CFAP95: variants seen among roughly 807,000 people sequenced by gnomAD.
The protein encoded by CFAP95 is cilia and flagella associated protein 95.
At chr9:69,832,619 G>GTTTTT in the CFAP95 span, among the ~76,000 whole-genome samples, 2 of 14,118 alleles carry the variant, frequency 1.4e-4, no homozygotes, top group African/African-American at 2.5e-4. Context: ...AGTCTATTCG[G>GTTTTT]ATTTTTTTTT....
chr9:69,824,912 T>G, the CFAP95 span, among the ~76,000 whole-genome samples: 1 of 152,216 alleles, frequency 6.6e-6, no homozygotes, highest in Non-Finnish European at 1.5e-5. Flanking sequence ...AAGAATTGAC[T>G]GTGAAATGTG....
At chr9:69,879,499 A>T in the CFAP95 span, among the ~76,000 whole-genome samples, 1 of 152,134 alleles carries the variant, frequency 6.6e-6, no homozygotes, top group Non-Finnish European at 1.5e-5. Context: ...AGCTATACGT[A>T]TTTATGAGGG....
At chr9:69,851,740 C>T in the CFAP95 span, among the ~76,000 whole-genome samples, 4 of 151,828 alleles carry the variant, frequency 2.6e-5, no homozygotes, top group Non-Finnish European at 4.4e-5. Context: ...TGGTGGTGCA[C>T]GTTTGTAGTC....
the CFAP95 span, chr9:69,886,814 T>C: frequency 1.3e-6 from 2 of 1,590,432 alleles, no homozygotes; most frequent in South Asian, 2.2e-5. Flanking sequence ...AGTCATTCTT[T>C]CCTCATTGAC....
the CFAP95 span, among the ~76,000 whole-genome samples, chr9:69,865,556 C>G: frequency 6.6e-6 from 1 of 152,146 alleles, no homozygotes; most frequent in Non-Finnish European, 1.5e-5. Context: ...TTCTACCTCC[C>G]CACAAGCCTA....
the CFAP95 span, among the ~76,000 whole-genome samples, chr9:69,831,791 A>G: frequency 6.6e-6 from 1 of 152,120 alleles, no homozygotes; most frequent in Non-Finnish European, 1.5e-5. Context: ...CCTTTCCCCA[A>G]GAGTCTTTGG....
the CFAP95 span, among the ~76,000 whole-genome samples, chr9:69,891,987 T>C: frequency 6.6e-6 from 1 of 152,232 alleles, no homozygotes; most frequent in African/African-American, 2.4e-5. Context: ...GAGGTGTTTA[T>C]GGATATTATA....
At chr9:69,843,574 T>C in the CFAP95 span, among the ~76,000 whole-genome samples, 9 of 33,150 alleles carry the variant, frequency 2.7e-4, no homozygotes, top group Non-Finnish European at 4.1e-4. Context: ...CTTCTTCTTC[T>C]TCTTCTTCTT....
chr9:69,877,560 G>A, the CFAP95 span, among the ~76,000 whole-genome samples: 2 of 152,078 alleles, frequency 1.3e-5, no homozygotes, highest in Admixed American at 1.3e-4. Flanking sequence ...AGTATAAATG[G>A]GATTTTCCTC....
At chr9:69,905,981 A>G in the CFAP95 span, 189 of 1,610,464 alleles carry the variant, frequency 1.2e-4, no homozygotes, top group African/African-American at 2.4e-3. Flanking sequence ...TGATTATTCC[A>G]TAGTCCACAG....
At chr9:69,894,650 G>C in the CFAP95 span, among the ~76,000 whole-genome samples, 1 of 152,310 alleles carries the variant, frequency 6.6e-6, no homozygotes, top group Admixed American at 6.5e-5. Context: ...AACACACCAT[G>C]TAAGTGTTCA....
At chr9:69,896,892 A>G in the CFAP95 span, among the ~76,000 whole-genome samples, 2 of 152,124 alleles carry the variant, frequency 1.3e-5, no homozygotes, top group African/African-American at 2.4e-5. Context: ...CTGTCTCTGA[A>G]AAAAAAATTT....
At chr9:69,829,366 T>G in the CFAP95 span, among the ~76,000 whole-genome samples, 2 of 152,228 alleles carry the variant, frequency 1.3e-5, no homozygotes, top group Admixed American at 1.3e-4. Flanking sequence ...CGTTATAGAA[T>G]GATTGTGCCA....
At chr9:69,843,718 G>C in the CFAP95 span, among the ~76,000 whole-genome samples, 1 of 149,260 alleles carries the variant, frequency 6.7e-6, no homozygotes, top group South Asian at 2.2e-4. Flanking sequence ...AATCATGGCT[G>C]ACTGCAGCCT....
the CFAP95 span, among the ~76,000 whole-genome samples, chr9:69,895,853 T>C: frequency 2.0e-5 from 3 of 152,204 alleles, no homozygotes; most frequent in South Asian, 2.1e-4. Context: ...TGGAGTGCAG[T>C]GGAATGATCT....
chr9:69,822,515 C>T, the CFAP95 span, among the ~76,000 whole-genome samples: 2 of 152,210 alleles, frequency 1.3e-5, no homozygotes, highest in Non-Finnish European at 2.9e-5. Flanking sequence ...ATAGGGCTTA[C>T]CTCATAGCTC....
the CFAP95 span, among the ~76,000 whole-genome samples, chr9:69,870,832 G>A: frequency 6.6e-6 from 1 of 152,192 alleles, no homozygotes; most frequent in Non-Finnish European, 1.5e-5. Flanking sequence ...CTGGGTAGAA[G>A]CGACATCTGA....
chr9:69,863,939 T>G, the CFAP95 span, among the ~76,000 whole-genome samples: 2 of 152,056 alleles, frequency 1.3e-5, no homozygotes, highest in Non-Finnish European at 2.9e-5. Flanking sequence ...CCCAGGATAA[T>G]GGTCCACAGG....
chr9:69,889,164 G>A, the CFAP95 span, among the ~76,000 whole-genome samples: 2 of 152,090 alleles, frequency 1.3e-5, no homozygotes, highest in African/African-American at 4.8e-5. Flanking sequence ...TTCTTTTTCT[G>A]AACTGATACC....
Sources: gnomAD v4.1 joint callset for allele counts (sites outside exome capture counted in the v4.1 genomes callset) on GRCh38, gnomAD v4.1.1 for gene constraint, MANE v1.5 for transcripts, NCBI Gene and HGNC (gene_info 2026-07-23, HGNC 2026-07-21) for gene names.